Variants in RIMS3 observed in about 807,000 individuals in gnomAD.
The protein encoded by RIMS3 is regulating synaptic membrane exocytosis protein 3.
A neutral mutation model predicts 29.2 loss-of-function variants in RIMS3; 15 were observed. The ratio of observed to expected loss-of-function variants is 0.51; its 90% CI spans 0.34 to 0.79. The LOEUF is 0.79. Among genes scored for constraint, RIMS3 ranks in the 30% least tolerant of loss-of-function variants. The probability of loss-of-function intolerance (pLI) is 0.01; values close to 1 mark genes in which losing one functional copy is unlikely to be tolerated. For missense variants in RIMS3, 342 were observed against 421.4 expected (o/e 0.81, Z 1.65); for synonymous variants, 161 against 170.1 (o/e 0.95, Z 0.41).
chr1:40,682,741 C>CTTTTT, the RIMS3 span, among the ~76,000 whole-genome samples: 337 of 77,502 alleles, frequency 4.3e-3, 61 homozygotes, highest in African/African-American at 0.014. Flanking sequence ...CTTTGCAGAT[C>CTTTTT]TTTTTTTTTT....
At chr1:40,690,182 TAC>T in the RIMS3 span, among the ~76,000 whole-genome samples, 1 of 152,206 alleles carries the variant, frequency 6.6e-6, no homozygotes, top group African/African-American at 2.4e-5. Context: ...TAACTAAATG[TAC>T]ACTTTTACAT....
chr1:40,634,135 A>C (rs1646506074), intron 4 of RIMS3, among the ~76,000 whole-genome samples: 1 of 152,098 alleles, frequency 6.6e-6, no homozygotes, highest in African/African-American at 2.4e-5. Context: ...GATAGAATAA[A>C]GTTCTAAGAT....
rs1011064938 is a variant in RIMS3, at chr1:40,640,640, C to T, written c.217+1069G>A. On this transcript the variant is annotated intron_variant, in intron 3 of 7. Coordinates refer to ENST00000372684, the MANE Select transcript of RIMS3 (RefSeq NM_014747.3). Reference sequence around the variant, plus strand: ...AAAACAAAACCAGCTGGTGTCTGGGCTGATACCACAAAGTGAGGAGGTCTT... The same window carrying T: ...AAAACAAAACCAGCTGGTGTCTGGGTTGATACCACAAAGTGAGGAGGTCTT... Among the ~76,000 whole-genome samples the T allele has an allele frequency of 5.3e-5, 8 of 152,268 alleles. No individual in the cohort carries two copies. In the East Asian group the frequency reaches 1.4e-3, roughly 26 times the overall value.
chr1:40,645,489 C>T (rs1646588378), intron 2 of RIMS3, among the ~76,000 whole-genome samples: 1 of 152,114 alleles, frequency 6.6e-6, no homozygotes, highest in South Asian at 2.1e-4. Context: ...TCCCTTCAAC[C>T]AAAAATGGAG....
chr1:40,660,374 G>A (rs1035590222), intron 1 of RIMS3, among the ~76,000 whole-genome samples: 1 of 150,920 alleles, frequency 6.6e-6, no homozygotes, highest in African/African-American at 2.4e-5. Context: ...GATTGTTGGG[G>A]CTTCTTTTTT....
At chr1:40,642,539 C>A (rs569235075) in intron 2 of RIMS3, among the ~76,000 whole-genome samples, 1 of 152,242 alleles carries the variant, frequency 6.6e-6, no homozygotes, top group Non-Finnish European at 1.5e-5. Flanking sequence ...AGAAAATCAC[C>A]CTTTATCGTA....
chr1:40,654,337 C>T lies in RIMS3; in HGVS notation c.-206-6495G>A, dbSNP rs1642241354. 6.6e-6 allele frequency among the ~76,000 whole-genome samples: 1 copy of T among 152,216 alleles called. No homozygotes were observed. The highest frequency in any genetic ancestry group is 1.9e-4 in the East Asian group (1 of 5,198). ...GGCTCGGCCCCAGGCCAGACAGACA[C>T]CGCCCAAAGAGGTGCACGCATTCCC... On this transcript the variant is annotated intron_variant, in intron 1 of 7. Transcript: ENST00000372684. This position sits in a 1 kb window ranked among gnomAD's most constrained non-coding sequence, Gnocchi z 5.3.
intron 4 of RIMS3, 29 bp from the exon 5 acceptor site, chr1:40,633,210 G>T: frequency 6.4e-7 from 1 of 1,565,156 alleles, no homozygotes; most frequent in South Asian, 1.1e-5. Flanking sequence ...GGACGCGTGA[G>T]GGGGTCAGGG....
intron 5 of RIMS3, among the ~76,000 whole-genome samples, chr1:40,630,678 C>T (rs1204824657): frequency 6.6e-6 from 1 of 152,156 alleles, no homozygotes; most frequent in Non-Finnish European, 1.5e-5. Context: ...GCAAGGCAAA[C>T]CTGTCCTTCC....
chr1:40,653,264 T>G (rs1642219577), intron 1 of RIMS3, among the ~76,000 whole-genome samples: 1 of 147,608 alleles, frequency 6.8e-6, no homozygotes, highest in Non-Finnish European at 1.5e-5. Context: ...GAGCAGAGAG[T>G]GAGGAAAGAT....
intron 1 of RIMS3, among the ~76,000 whole-genome samples, chr1:40,651,844 A>AAAAAACC (rs1557680889): frequency 6.8e-6 from 1 of 147,232 alleles, no homozygotes. Flanking sequence ...ATAATAAAGA[A>AAAAAACC]AAAAACCAAA....
chr1:40,685,901 C>T, the RIMS3 span, among the ~76,000 whole-genome samples: 2 of 151,698 alleles, frequency 1.3e-5, no homozygotes, highest in African/African-American at 2.4e-5. Context: ...CTCAGCACTA[C>T]GGGAGGCTGA....
upstream of RIMS3, among the ~76,000 whole-genome samples, chr1:40,666,735 A>G (rs1642432795): frequency 6.6e-6 from 1 of 152,196 alleles, no homozygotes; most frequent in Non-Finnish European, 1.5e-5. Flanking sequence ...ATGAATTAAA[A>G]TGTAAATGGG....
chr1:40,646,722 T>A (rs1646598339), intron 2 of RIMS3, among the ~76,000 whole-genome samples: 1 of 152,144 alleles, frequency 6.6e-6, no homozygotes, highest in Admixed American at 6.5e-5. Flanking sequence ...GCTTTGTGTT[T>A]TCTTTTTAGC....
At chr1:40,656,741 C>T (rs1308676821) in intron 1 of RIMS3, among the ~76,000 whole-genome samples, 2 of 148,990 alleles carry the variant, frequency 1.3e-5, no homozygotes, top group African/African-American at 5.0e-5. Context: ...TGAGATTGCG[C>T]CATTGCACTC....
chr1:40,689,775 G>T, the RIMS3 span, among the ~76,000 whole-genome samples: 1 of 152,156 alleles, frequency 6.6e-6, no homozygotes, highest in Non-Finnish European at 1.5e-5. Context: ...TCAATTGACT[G>T]TTATCAGTTA....
chr1:40,662,270 T>G (rs1238642313), intron 1 of RIMS3, among the ~76,000 whole-genome samples: 2 of 152,156 alleles, frequency 1.3e-5, no homozygotes, highest in Non-Finnish European at 2.9e-5. Flanking sequence ...CAACAGGGCC[T>G]CAGACACACA....
At chr1:40,683,477 GCCACGTTATGGTGTGGCAAGAAGGC>G in the RIMS3 span, among the ~76,000 whole-genome samples, 1 of 152,208 alleles carries the variant, frequency 6.6e-6, no homozygotes, top group Non-Finnish European at 1.5e-5. Flanking sequence ...GATATCTTCT[GCCACGTTATGGTGTGGCAAGAAGGC>G]CCTCACCAGA....
chr1:40,638,202 C>T (rs994506733), intron 3 of RIMS3, among the ~76,000 whole-genome samples: 2 of 152,160 alleles, frequency 1.3e-5, no homozygotes, highest in African/African-American at 4.8e-5. Context: ...ATCAGGCCCA[C>T]AGACTCCCAG....
Sources: allele counts gnomAD v4.1 joint callset (sites outside exome capture counted in the v4.1 genomes callset), GRCh38; gene constraint gnomAD v4.1.1; non-coding constraint Gnocchi (gnomAD v3.1); transcripts MANE v1.5; gene names NCBI Gene and HGNC (gene_info 2026-07-23, HGNC 2026-07-21).